SHISA9: variants seen among roughly 807,000 people sequenced by gnomAD.
SHISA9 encodes the protein shisa family member 9, also known as protein shisa-9.
SHISA9 carries 13 observed loss-of-function variants against 38.0 expected under a neutral mutation model. That is an observed-to-expected ratio of 0.34 (90% CI 0.22 to 0.54). The LOEUF is 0.54. Ranked by LOEUF, SHISA9 falls within the 20% of genes least tolerant of loss-of-function variation. The pLI, the probability that SHISA9 is intolerant of heterozygous loss-of-function variation, is 0.91. For synonymous variants in SHISA9, 275 were observed against 242.0 expected, an observed-to-expected ratio of 1.14 and a Z score of -1.27; for missense variants, 538 against 575.8, an observed-to-expected ratio of 0.93 and a Z score of 0.67.
the SHISA9 span, among the ~76,000 whole-genome samples, chr16:13,490,176 T>A: frequency 2.1e-4 from 32 of 152,090 alleles, no homozygotes; most frequent in African/African-American, 7.2e-4. Flanking sequence ...GAACAGATGA[T>A]GTTGGCAGAA....
At chr16:13,496,950 A>G in the SHISA9 span, among the ~76,000 whole-genome samples, 1 of 152,312 alleles carries the variant, frequency 6.6e-6, no homozygotes, top group South Asian at 2.1e-4. Context: ...TCCAAAGTTA[A>G]TTAATGCGTT....
chr16:13,434,419 G>GTTTTGTTTTTTTTTTTTTTTTTTT, the SHISA9 span, among the ~76,000 whole-genome samples: 1 of 64,566 alleles, frequency 1.5e-5, no homozygotes, highest in East Asian at 4.9e-4. Flanking sequence ...GACAAGCTAT[G>GTTTTGTTTTTTTTTTTTTTTTTTT]TTTTTTTTTT....
At chr16:12,986,964 G>C (rs1354872975) in intron 2 of SHISA9, among the ~76,000 whole-genome samples, 2 of 152,188 alleles carry the variant, frequency 1.3e-5, no homozygotes, top group African/African-American at 4.8e-5. Flanking sequence ...TATCACACCT[G>C]AGTGAAATGT....
the SHISA9 span, among the ~76,000 whole-genome samples, chr16:13,414,359 T>C: frequency 2.6e-5 from 4 of 152,318 alleles, no homozygotes; most frequent in East Asian, 1.9e-4. Flanking sequence ...AATTTGTTAT[T>C]GGTGCTCAGC....
intron 2 of SHISA9, among the ~76,000 whole-genome samples, chr16:13,161,811 T>A (rs916036336): frequency 6.6e-6 from 1 of 152,212 alleles, no homozygotes; most frequent in Non-Finnish European, 1.5e-5. Context: ...CGTTTTTTTT[T>A]CCTCTATCGG....
At chr16:13,022,412 A>G (rs1224892201) in intron 2 of SHISA9, among the ~76,000 whole-genome samples, 1 of 151,816 alleles carries the variant, frequency 6.6e-6, no homozygotes, top group Non-Finnish European at 1.5e-5. Flanking sequence ...GCTCACTGCA[A>G]CCTCTGCCTC....
At chr16:13,352,884 C>G in the SHISA9 span, among the ~76,000 whole-genome samples, 1 of 151,842 alleles carries the variant, frequency 6.6e-6, no homozygotes, top group East Asian at 1.9e-4. Flanking sequence ...AGGCAAGGAC[C>G]GGCCATTTAC....
chr16:13,100,044 G>A (rs1206451415), intron 2 of SHISA9, among the ~76,000 whole-genome samples: 2 of 152,156 alleles, frequency 1.3e-5, no homozygotes, highest in African/African-American at 4.8e-5. Flanking sequence ...GCAAAGTGAG[G>A]GACACACGGC....
the SHISA9 span, among the ~76,000 whole-genome samples, chr16:13,408,925 C>T: frequency 6.6e-6 from 1 of 152,318 alleles, no homozygotes; most frequent in Admixed American, 6.5e-5. Flanking sequence ...ACCCTCAAGC[C>T]TGGATACCCA....
chr16:12,922,527 C>A (rs1260896780), intron 2 of SHISA9, among the ~76,000 whole-genome samples: 2 of 152,156 alleles, frequency 1.3e-5, no homozygotes, highest in Non-Finnish European at 2.9e-5. Flanking sequence ...CCAACCTTTT[C>A]TTTTCTTTTT....
At chr16:12,927,973 C>T (rs1172952918) in intron 2 of SHISA9, among the ~76,000 whole-genome samples, 1 of 152,160 alleles carries the variant, frequency 6.6e-6, no homozygotes, top group African/African-American at 2.4e-5. Flanking sequence ...AGTGTGCTGA[C>T]TTTTCGATTT....
In SHISA9 at chr16:13,002,994, A is replaced by T. The variant is rs191974776; in HGVS notation, c.691+86179A>T. Reference sequence around the variant, plus strand: ...ATTAGAGATGGGAAGGCCATCAAAAAAAAGCTTCCTTAAGATGATATCCTG... The same window carrying T: ...ATTAGAGATGGGAAGGCCATCAAAATAAAGCTTCCTTAAGATGATATCCTG... On this transcript the variant is annotated intron_variant, in intron 2 of 4. Coordinates refer to ENST00000558583, the MANE Select transcript of SHISA9 (RefSeq NM_001145204.3). 8.5e-4 allele frequency among the ~76,000 whole-genome samples: 129 copies of T among 152,322 alleles called. No homozygotes were observed. The East Asian group carries it at 0.014, about 17-fold the overall frequency.
chr16:13,114,942 C>CCATCCT (rs1208091621), intron 2 of SHISA9, among the ~76,000 whole-genome samples: 8 of 152,136 alleles, frequency 5.3e-5, no homozygotes, highest in African/African-American at 1.9e-4. Flanking sequence ...ATCCATCCTT[C>CCATCCT]TCTCTCTCCC....
intron 2 of SHISA9, among the ~76,000 whole-genome samples, chr16:13,127,396 A>G (rs2050270778): frequency 7.9e-6 from 1 of 126,292 alleles, no homozygotes; most frequent in African/African-American, 3.1e-5. Flanking sequence ...GAGAGAGAGG[A>G]AGAGAGAGAA....
intron 2 of SHISA9, among the ~76,000 whole-genome samples, chr16:13,140,121 CT>C (rs1183101871): frequency 2.6e-4 from 15 of 56,720 alleles, no homozygotes; most frequent in Admixed American, 7.2e-4. Flanking sequence ...CTTCCCTTCC[CT>C]TCCCTTCCCT....
chr16:13,174,476 C>T (rs1413277303), intron 2 of SHISA9, among the ~76,000 whole-genome samples: 1 of 152,190 alleles, frequency 6.6e-6, no homozygotes, highest in East Asian at 1.9e-4. Flanking sequence ...CATGTTGGTC[C>T]TCAGAGAGAT....
chr16:13,077,746 A>G (rs2073600075), intron 2 of SHISA9, among the ~76,000 whole-genome samples: 1 of 152,050 alleles, frequency 6.6e-6, no homozygotes, highest in Non-Finnish European at 1.5e-5. Flanking sequence ...TCCTTTTCCA[A>G]CAAAAATGCT....
At chr16:13,308,158 A>C in the SHISA9 span, among the ~76,000 whole-genome samples, 1 of 152,158 alleles carries the variant, frequency 6.6e-6, no homozygotes. Flanking sequence ...ACAGTAAGAA[A>C]AGAGAATACA....
the SHISA9 span, among the ~76,000 whole-genome samples, chr16:13,393,911 T>G: frequency 6.6e-6 from 1 of 152,326 alleles, no homozygotes; most frequent in Non-Finnish European, 1.5e-5. Context: ...AGTTGGGTCA[T>G]TGTTCCCATT....
Sources: gnomAD v4.1 joint callset for allele counts (sites outside exome capture counted in the v4.1 genomes callset) on GRCh38, gnomAD v4.1.1 for gene constraint, MANE v1.5 for transcripts, NCBI Gene and HGNC (gene_info 2026-07-23, HGNC 2026-07-21) for gene names.